The following ERG variants were observed in gnomAD, a reference collection of about 807,000 sequenced individuals.
ERG encodes the protein ETS transcription factor ERG, also known as transcriptional regulator ERG.
ERG carries 9 observed loss-of-function variants against 55.3 expected under a neutral mutation model. The observed-to-expected ratio is 0.16, with a 90% CI of 0.10 to 0.28. The LOEUF (loss-of-function observed/expected upper bound fraction) is 0.28. Ranked by LOEUF, ERG falls within the 10% of genes least tolerant of loss-of-function variation. ERG has a pLI of 1.00. For missense variants in ERG, 434 were observed against 631.6 expected, an observed-to-expected ratio of 0.69 and a Z score of 3.35; for synonymous variants, 223 against 237.3, an observed-to-expected ratio of 0.94 and a Z score of 0.55.
intron 3 of ERG, among the ~76,000 whole-genome samples, chr21:38,405,765 C>T (rs1018641315): frequency 6.6e-5 from 10 of 152,098 alleles, no homozygotes; most frequent in African/African-American, 1.7e-4. Flanking sequence ...TACCTAGATA[C>T]GGGATTTCTG....
intron 2 of ERG, among the ~76,000 whole-genome samples, chr21:38,532,457 G>C (rs2059679564): frequency 6.6e-6 from 1 of 152,180 alleles, no homozygotes; most frequent in Admixed American, 6.5e-5. Flanking sequence ...AAGAAGCCTT[G>C]ACACCTTGTG....
chr21:38,415,647 C>G (rs939092849), intron 3 of ERG, among the ~76,000 whole-genome samples: 1 of 152,092 alleles, frequency 6.6e-6, no homozygotes, highest in African/African-American at 2.4e-5. Context: ...ATTTCACCAG[C>G]AGGTTCTGGG....
At chr21:38,465,999 CTG>C (rs1343590367) in intron 1 of ERG, among the ~76,000 whole-genome samples, 1 of 152,148 alleles carries the variant, frequency 6.6e-6, no homozygotes, top group Non-Finnish European at 1.5e-5. Flanking sequence ...GGGTGTGAAA[CTG>C]TCTGCAGTTA....
chr21:38,638,017 C>A (rs1453390736), intron 1 of ERG, among the ~76,000 whole-genome samples: 1 of 152,152 alleles, frequency 6.6e-6, no homozygotes, highest in Non-Finnish European at 1.5e-5. Flanking sequence ...ATGCATTGGG[C>A]ATATCAGAGA....
chr21:38,587,311 G>T (rs1053464483), upstream of ERG, among the ~76,000 whole-genome samples: 1 of 152,048 alleles, frequency 6.6e-6, no homozygotes, highest in Non-Finnish European at 1.5e-5. Flanking sequence ...TCAAGGGGAT[G>T]GGGGAGGGGG....
chr21:38,640,296 A>G (rs928719219), intron 1 of ERG, among the ~76,000 whole-genome samples: 4 of 152,206 alleles, frequency 2.6e-5, no homozygotes, highest in Non-Finnish European at 5.9e-5. Flanking sequence ...ATGCATATCA[A>G]CTTAACCAAC....
chr21:38,466,015 C>A (rs890491613), intron 1 of ERG, among the ~76,000 whole-genome samples: 1 of 152,068 alleles, frequency 6.6e-6, no homozygotes, highest in Non-Finnish European at 1.5e-5. Context: ...GCAGTTAGCA[C>A]GGTGTTGGAG....
chr21:38,504,540 T>C (rs2059445958), intron 2 of ERG, among the ~76,000 whole-genome samples: 1 of 152,264 alleles, frequency 6.6e-6, no homozygotes, highest in South Asian at 2.1e-4. Flanking sequence ...CTTCTCCATA[T>C]AATTTGGAAA....
At chr21:38,640,877 G>C (rs1348669538) in intron 1 of ERG, among the ~76,000 whole-genome samples, 1 of 152,178 alleles carries the variant, frequency 6.6e-6, no homozygotes, top group African/African-American at 2.4e-5. Flanking sequence ...GGCTCTCTGG[G>C]AAAATGGAAG....
intron 1 of ERG, among the ~76,000 whole-genome samples, chr21:38,657,431 C>G (rs980905108): frequency 3.3e-5 from 5 of 152,210 alleles, no homozygotes; most frequent in African/African-American, 4.8e-5. Context: ...CCTTTAATTT[C>G]TTGGTTTTGT....
rs764169459 is a variant in ERG at position 38,380,560 on chromosome 21, GACAA to G, written c.*2839_*2842del. ...ACATCAGGGCAAGCCAAGAGACAGGGACAAACAGAGAGAAAAGGTTCATGCAATT... is the reference window on the plus strand; with the variant it reads ...ACATCAGGGCAAGCCAAGAGACAGGGACAGAGAGAAAAGGTTCATGCAATT... On this transcript the variant is annotated 3_prime_UTR_variant, in exon 10 of 10. Transcript: ENST00000288319. 156 of 1,065,874 alleles carry G rather than the reference GACAA, an allele frequency of 1.5e-4. No homozygotes were observed. The highest frequency in any genetic ancestry group is 2.0e-4 in the East Asian group (4 of 20,128). The allele number at this position is 1,065,874 out of a possible 1,614,324, so 66.0% of individuals were successfully genotyped here.
chr21:38,582,279 T>TGGTA (rs2060034913), intron 1 of ERG, among the ~76,000 whole-genome samples: 2 of 152,166 alleles, frequency 1.3e-5, no homozygotes, highest in Admixed American at 6.5e-5. Flanking sequence ...GGGGACCCAA[T>TGGTA]ACTTGTAACT....
the ERG span, among the ~76,000 whole-genome samples, chr21:38,369,860 A>G: frequency 1.3e-5 from 2 of 152,184 alleles, no homozygotes; most frequent in African/African-American, 4.8e-5. Flanking sequence ...TCCTAGCACC[A>G]TTTATTGAAC....
At chr21:38,529,873 G>A (rs2059659527) in intron 2 of ERG, among the ~76,000 whole-genome samples, 1 of 151,954 alleles carries the variant, frequency 6.6e-6, no homozygotes, top group Admixed American at 6.5e-5. Flanking sequence ...GGCTGAGGTA[G>A]GAGAATCACT....
At chr21:38,610,140 T>C (rs1212500987) in intron 1 of ERG, among the ~76,000 whole-genome samples, 1 of 152,196 alleles carries the variant, frequency 6.6e-6, no homozygotes, top group Non-Finnish European at 1.5e-5. Flanking sequence ...AACGCTGCGA[T>C]CACTATTCAA....
At chr21:38,459,896 A>T (rs1263020496) in intron 1 of ERG, among the ~76,000 whole-genome samples, 2 of 152,246 alleles carry the variant, frequency 1.3e-5, no homozygotes, top group Non-Finnish European at 2.9e-5. Context: ...AAAATCAATT[A>T]ATCAACCAAT....
Position 38,460,961 on chromosome 21 carries a change from C to T in ERG, c.19-15340G>A, listed in dbSNP as rs1418981620. Among the ~76,000 whole-genome samples, 1 of 152,170 alleles carries T rather than the reference C, an allele frequency of 6.6e-6. No individual in the cohort carries two copies. The highest frequency in any genetic ancestry group is 1.5e-5 in the Non-Finnish European group (1 of 68,042). ...CAGAGCTCTATCTGGTAGAACGTGT[C>T]TCCATATTAATAAGCAGTGAATCCT... On this transcript the variant is annotated intron_variant, in intron 1 of 9. Transcript: ENST00000288319. This position sits in a 1 kb window ranked among gnomAD's most constrained non-coding sequence, Gnocchi z 5.0.
chr21:38,504,895 GT>G (rs1274926051), intron 2 of ERG, among the ~76,000 whole-genome samples: 3 of 152,082 alleles, frequency 2.0e-5, no homozygotes, highest in African/African-American at 7.2e-5. Context: ...ACTTATTTTT[GT>G]CTTAATCTGT....
chr21:38,382,831 C>T lies in ERG; in HGVS notation c.*572G>A. ...CTTCACAGTTTGAGAAAGCTGACAG[C>T]TGTCCATCAAACGGAATGTATTTGA... On this transcript the variant is annotated 3_prime_UTR_variant, in exon 10 of 10. Transcript: ENST00000288319. The T allele has an allele frequency of 3.8e-6, 4 of 1,066,156 alleles. No individual in the cohort carries two copies. The South Asian group carries it at 1.4e-4, about 36-fold the overall frequency. The allele number at this position is 1,066,156 out of a possible 1,614,324, so 66.0% of individuals were successfully genotyped here.
Sources: gnomAD v4.1 joint callset for allele counts (sites outside exome capture counted in the v4.1 genomes callset) on GRCh38, gnomAD v4.1.1 for gene constraint, Gnocchi (gnomAD v3.1) non-coding constraint, MANE v1.5 for transcripts, NCBI Gene and HGNC (gene_info 2026-07-23, HGNC 2026-07-21) for gene names.